Variants in RNF213 observed in about 807,000 individuals in gnomAD.
RNF213 encodes the protein E3 ubiquitin-protein ligase RNF213.
A neutral mutation model predicts 514.4 loss-of-function variants in RNF213; 341 were observed. That is an observed-to-expected ratio of 0.66 (90% confidence interval 0.61 to 0.73). The LOEUF (loss-of-function observed/expected upper bound fraction) is 0.73, where lower values mean the gene tolerates loss of function less well. RNF213 is among the 30% of genes least tolerant of loss of function. The probability of loss-of-function intolerance (pLI) is 0.00; values close to 1 mark genes in which losing one functional copy is unlikely to be tolerated. For synonymous variants in RNF213, 2,655 were observed against 2,658.2 expected (o/e 1.00, Z 0.04); for missense variants, 5,767 against 6,615.6 (o/e 0.87, Z 4.45).
Position 80,377,154 on chromosome 17 carries a change from T to C in RNF213, c.13510+191T>C. On this transcript the variant is annotated intron_variant, in intron 53 of 67. Transcript: ENST00000582970. This position sits in a 1 kb window ranked among gnomAD's most constrained non-coding sequence, Gnocchi z 4.1. ...AGCTGGCACTCCGCCGGCTAGATGA[T>C]CCAAACCATTTCATTTCTTTGTCGT... 1 of 615,812 alleles carries C rather than the reference T, an allele frequency of 1.6e-6. No homozygotes were observed. The highest frequency in any genetic ancestry group is 2.9e-6 in the Non-Finnish European group (1 of 342,144). 38.1% of individuals were successfully genotyped at this position (615,812 alleles called of 1,614,324 possible). A position where few individuals can be genotyped will look rare whatever the true frequency, so the allele number is the denominator to read the frequency against.
In RNF213 at chr17:80,346,410, G is replaced by A; in HGVS notation, c.8075G>A (p.Cys2692Tyr). ...TCGTTGATGCTGGCCATCGGGGTGT[G>A]TTACCATGCCTCTTTAGAAAAGAAA... Reference protein sequence around the residue: ...LWSLMLAIGVCYHASLEKKDS... With the variant: ...LWSLMLAIGVYYHASLEKKDS... The change falls in exon 29 of 68, where the codon TGT (cysteine) becomes TAT (tyrosine). Residue 2692 changes from cysteine to tyrosine, a missense_variant. Physicochemically the swap from Cys to Tyr is radical, Grantham distance 194. Coordinates refer to ENST00000582970, the MANE Select transcript of RNF213 (RefSeq NM_001256071.3). This position sits in a 1 kb window ranked among gnomAD's most constrained non-coding sequence, Gnocchi z 8.1. The A allele has an allele frequency of 6.2e-7, 1 of 1,613,398 alleles. No individual in the cohort carries two copies. The highest frequency in any genetic ancestry group is 8.5e-7 in the Non-Finnish European group (1 of 1,179,996).
At chr17:80,325,283 C>T (rs2046250667) in intron 18 of RNF213, 85 bp downstream of exon 18, 1 of 1,309,208 alleles carries the variant, frequency 7.6e-7, no homozygotes, top group Non-Finnish European at 1.0e-6. Context: ...GAAGATTTGA[C>T]ATGATGATAC....
intron 32 of RNF213, 182 bp from the exon 33 acceptor site, chr17:80,352,758 G>T (rs1426967839): frequency 2.4e-6 from 2 of 844,066 alleles, no homozygotes; most frequent in Non-Finnish European, 4.0e-6. Context: ...GAATCGGGTC[G>T]TGTATAGTAT....
intron 38 of RNF213, among the ~76,000 whole-genome samples, chr17:80,360,691 CCAGA>C (rs2079022672): frequency 6.6e-6 from 1 of 152,188 alleles, no homozygotes; most frequent in Non-Finnish European, 1.5e-5. Context: ...GAGTCACAGC[CCAGA>C]CACAGTGCTG....
chr17:80,328,572 G>A, intron 20 of RNF213, 95 bp downstream of exon 20: 12 of 1,297,864 alleles, frequency 9.2e-6, no homozygotes, highest in Non-Finnish European at 1.2e-5. Flanking sequence ...CTTTATTTTG[G>A]AGAGAAGGCT....
Position 80,385,519 on chromosome 17 carries a change from C to T in RNF213, c.14456-19C>T, listed in dbSNP as rs2080200115. ...GGGGTTGCTATCATACGGTTCTTAC[C>T]AAGTATTCTGTTCAACAGATGGGTT... On this transcript the variant is annotated intron_variant, in intron 60 of 67. Transcript: ENST00000582970. 2 of 1,611,242 alleles carry T rather than the reference C, an allele frequency of 1.2e-6. No individual in the cohort carries two copies. The highest frequency in any genetic ancestry group is 2.7e-5 in the African/African-American group (2 of 74,848).
intron 2 of RNF213, among the ~76,000 whole-genome samples, chr17:80,270,782 A>G (rs928323724): frequency 2.6e-5 from 4 of 152,182 alleles, no homozygotes; most frequent in African/African-American, 7.2e-5. Flanking sequence ...AGCAAGAGAA[A>G]CGTGCTGGGT....
At position 80,369,630 on chromosome 17, in the gene RNF213, T is replaced by A; in HGVS notation, c.12284T>A (p.Leu4095His). 6.2e-7 allele frequency: 1 copy of A among 1,614,032 alleles called. No individual in the cohort carries two copies. The highest frequency in any genetic ancestry group is 8.5e-7 in the Non-Finnish European group (1 of 1,179,830). Residue 4095 changes from leucine to histidine, a missense_variant, in exon 45 of 68, where the codon CTC becomes CAC. Physicochemically the swap from Leu to His is moderately conservative, Grantham distance 99. Around this residue, in one of 13 missense-constraint regions of RNF213, gnomAD observed 93 missense variants for 95.6 expected, o/e 0.97. Transcript: ENST00000582970. The stretch of plus-strand genomic sequence containing the variant: ...GAAGTGATTGAGAGCCTGCTCTCTC[T>A]CCTCTTCGTCCAAAAGGGGCGCTTA... ...EKEVIESLLS[L>H]LFVQKGRLRD... is the part of the protein sequence containing the mutation.
In RNF213 at chr17:80,345,971, A is replaced by G. The variant is rs1168392638; in HGVS notation, c.7636A>G (p.Arg2546Gly). Residue 2546 changes from arginine (R) to glycine (G), a missense_variant, in exon 29 of 68, where the codon AGG (arginine) becomes GGG (glycine). By Grantham distance (125) the Arg-to-Gly change is moderately radical (BLOSUM62 -2). This residue lies in a region of RNF213 where 1,377 missense variants were observed against 1,635.2 expected (regional missense o/e 0.84). Coordinates refer to ENST00000582970, the MANE Select transcript of RNF213 (RefSeq NM_001256071.3). The surrounding 1 kb of genome is among the most constrained non-coding windows in gnomAD (Gnocchi z 6.0). Reference protein sequence around the residue: ...CRLESAGLGYRVSMEETADRL... With the variant: ...CRLESAGLGYGVSMEETADRL... ...TTTGGAGTCAGCTGGTTTGGGCTACAGGGTTAGTATGGAGGAGACGGCCGA... is the reference window on the plus strand; with the variant it reads ...TTTGGAGTCAGCTGGTTTGGGCTACGGGGTTAGTATGGAGGAGACGGCCGA... 6.2e-7 allele frequency: 1 copy of G among 1,614,168 alleles called. No homozygotes were observed. Among genetic ancestry groups the G allele is most frequent in the South Asian group, 1.1e-5 (1 of 91,074 alleles).
rs1255236114 is a variant in RNF213, at chr17:80,332,296, G to A, written c.3808G>A (p.Glu1270Lys). Reference sequence around the variant, plus strand: ...AGAAGAATCAGAAAGGCACATCCTTGAGCTTGAAGAGGTGTATGACTATTT... The same window carrying A: ...AGAAGAATCAGAAAGGCACATCCTTAAGCTTGAAGAGGTGTATGACTATTT... ...PEEESERHIL[E>K]LEEVYDYLYQ... is the part of the protein sequence containing the mutation. Residue 1270 changes from glutamate (E) to lysine (K), a missense_variant, in exon 21 of 68, where the codon GAG becomes AAG. Around this residue, in one of 13 missense-constraint regions of RNF213, gnomAD observed 516 missense variants for 566.5 expected, o/e 0.91. Transcript: ENST00000582970. 5 of 1,537,236 alleles carry A rather than the reference G, an allele frequency of 3.3e-6. No individual in the cohort carries two copies. The South Asian group carries it at 5.9e-5, about 18-fold the overall frequency.
At position 80,385,191 on chromosome 17, in the gene RNF213, G is replaced by A. The variant is rs754794439; in HGVS notation, c.14455+20G>A. The A allele has an allele frequency of 1.9e-6, 3 of 1,614,154 alleles. No homozygotes were observed. In the South Asian group the frequency reaches 3.3e-5, roughly 18 times the overall value. Reference sequence around the variant, plus strand: ...GCTCAGGTGTGGCTCTGCTCTGACAGGACCAGGACTGTCCCGCATTTGGCG... The same window carrying A: ...GCTCAGGTGTGGCTCTGCTCTGACAAGACCAGGACTGTCCCGCATTTGGCG... On this transcript the variant is annotated intron_variant, in intron 60 of 67. Coordinates refer to ENST00000582970, the MANE Select transcript of RNF213 (RefSeq NM_001256071.3).
chr17:80,387,838 T>C (rs1405792391), intron 63 of RNF213, among the ~76,000 whole-genome samples: 2 of 152,208 alleles, frequency 1.3e-5, no homozygotes, highest in African/African-American at 4.8e-5. Context: ...CAGCAGGCAC[T>C]TTCCCATCTC....
At chr17:80,265,291 C>T (rs1353915315) in intron 2 of RNF213, among the ~76,000 whole-genome samples, 5 of 152,146 alleles carry the variant, frequency 3.3e-5, no homozygotes, top group Non-Finnish European at 5.9e-5. Flanking sequence ...AGGTGATCCA[C>T]CCGCCTCGGC....
intron 65 of RNF213, 55 bp from the exon 66 acceptor site, chr17:80,389,773 A>G (rs1357868838): frequency 6.9e-7 from 1 of 1,449,922 alleles, no homozygotes; most frequent in Admixed American, 1.7e-5. Flanking sequence ...GGTGCACGAC[A>G]TGAGTGGGGG....
At chr17:80,385,678 T>C in intron 61 of RNF213, 57 bp downstream of exon 61, 2 of 1,470,256 alleles carry the variant, frequency 1.4e-6, no homozygotes, top group Non-Finnish European at 1.9e-6. Flanking sequence ...GTCTGAAAGC[T>C]CTTCTCGTCA....
rs764865527 is a variant in RNF213, at chr17:80,394,414, T to G, written c.*916T>G. 8 of 152,224 alleles carry G rather than the reference T, an allele frequency of 5.3e-5. No homozygotes were observed. Among genetic ancestry groups the G allele is most frequent in the Non-Finnish European group, 1.2e-4 (8 of 68,042 alleles). 9.4% of individuals were successfully genotyped at this position (152,224 alleles called of 1,614,324 possible). A position where few individuals can be genotyped will look rare whatever the true frequency, so the allele number is the denominator to read the frequency against. On this transcript the variant is annotated 3_prime_UTR_variant, in exon 68 of 68. Transcript: ENST00000582970. Reference sequence around the variant, plus strand: ...TGGTTCTCAGCCAAGACATAAAAACTAGGACTCAGAGCACATACAAAACCA... The same window carrying G: ...TGGTTCTCAGCCAAGACATAAAAACGAGGACTCAGAGCACATACAAAACCA...
At chr17:80,311,257 A>G (rs73446366) in intron 14 of RNF213, among the ~76,000 whole-genome samples, 3,641 of 152,318 alleles carry the variant, frequency 0.024, 138 homozygotes, top group African/African-American at 0.084. Context: ...TACGTGACGC[A>G]TGTTGAAGAA....
intron 36 of RNF213, 173 bp downstream of exon 36, chr17:80,354,749 C>G: frequency 1.3e-6 from 1 of 770,608 alleles, no homozygotes; most frequent in Non-Finnish European, 2.1e-6. Flanking sequence ...TAGGTCTGGA[C>G]AGTGGCCAAA....
At position 80,388,517 on chromosome 17, in the gene RNF213, C is replaced by T. The variant is rs747802496; in HGVS notation, c.14923-95C>T. ...GGATACACAGGGCAGCGCGGCACTA[C>T]GCTGCAGTTTTCCGGCTGCAGATTC... is the stretch of plus-strand genomic sequence containing the variant. On this transcript the variant is annotated intron_variant, in intron 63 of 67. Coordinates refer to ENST00000582970, the MANE Select transcript of RNF213 (RefSeq NM_001256071.3). 3.5e-5 allele frequency: 30 copies of T among 847,768 alleles called. 2 individuals are homozygous for T. The highest frequency in any genetic ancestry group is 5.3e-5 in the South Asian group (4 of 75,372). 52.5% of individuals were successfully genotyped at this position (847,768 alleles called of 1,614,324 possible). A position where few individuals can be genotyped will look rare whatever the true frequency, so the allele number is the denominator to read the frequency against.
Sources: allele counts gnomAD v4.1 joint callset (sites outside exome capture counted in the v4.1 genomes callset), GRCh38; gene constraint gnomAD v4.1.1; regional missense constraint gnomAD v4.1.1; non-coding constraint Gnocchi (gnomAD v3.1); transcripts MANE v1.5; gene names NCBI Gene and HGNC (gene_info 2026-07-23, HGNC 2026-07-21).